The following RBM6 variants were observed in gnomAD, a reference collection of about 807,000 sequenced individuals.
RBM6 encodes RNA binding motif protein 6.
RBM6 carries 23 observed loss-of-function variants against 140.4 expected under a neutral mutation model. The observed-to-expected ratio is 0.16, with a 90% CI of 0.12 to 0.23. The LOEUF (loss-of-function observed/expected upper bound fraction) is 0.23. RBM6 is among the 10% of genes least tolerant of loss of function. The probability of loss-of-function intolerance (pLI) is 1.00; values close to 1 mark genes in which losing one functional copy is unlikely to be tolerated. For synonymous variants in RBM6, 439 were observed against 475.6 expected, an observed-to-expected ratio of 0.92 and a Z score of 1.00; for missense variants, 1,139 against 1,386.7, an observed-to-expected ratio of 0.82 and a Z score of 2.84.
chr3:50,013,970 A>T (rs2086986472), intron 6 of RBM6, among the ~76,000 whole-genome samples: 1 of 152,162 alleles, frequency 6.6e-6, no homozygotes, highest in Non-Finnish European at 1.5e-5. Context: ...AGAGCCAGGG[A>T]TGCTGCTAAA....
At chr3:49,991,007 A>G (rs993440472) in intron 5 of RBM6, among the ~76,000 whole-genome samples, 1 of 152,178 alleles carries the variant, frequency 6.6e-6, no homozygotes, top group African/African-American at 2.4e-5. Flanking sequence ...ACCAATTGCA[A>G]TGATCAGTTA....
At chr3:50,000,052 A>G (rs878986083) in intron 6 of RBM6, among the ~76,000 whole-genome samples, 1 of 152,170 alleles carries the variant, frequency 6.6e-6, no homozygotes, top group African/African-American at 2.4e-5. Context: ...TTTTTTGCCA[A>G]TTGGAGTTGC....
At position 50,034,756 on chromosome 3, in the gene RBM6, G is replaced by A. The variant is rs578132241; in HGVS notation, c.1558-13489G>A. On this transcript the variant is annotated intron_variant, in intron 6 of 20. Coordinates refer to ENST00000266022, the MANE Select transcript of RBM6 (RefSeq NM_005777.3). ...AGCCTGGGCGACAGAGCGAGACTCC[G>A]TCTCCAAAAAAAAAGGCAATGAATA... Among the ~76,000 whole-genome samples, 9 of 151,860 alleles carry A rather than the reference G, an allele frequency of 5.9e-5. No homozygotes were observed. In the East Asian group the frequency reaches 9.7e-4, roughly 16 times the overall value.
At chr3:49,949,976 G>A (rs1233338149) in intron 1 of RBM6, among the ~76,000 whole-genome samples, 1 of 152,028 alleles carries the variant, frequency 6.6e-6, no homozygotes, top group African/African-American at 2.4e-5. Context: ...GCCTGCCTCC[G>A]CCTCCTAAAG....
intron 6 of RBM6, among the ~76,000 whole-genome samples, chr3:50,007,136 C>T (rs2086618781): frequency 6.6e-6 from 1 of 151,330 alleles, no homozygotes; most frequent in African/African-American, 2.4e-5. Context: ...TCTCATTTAG[C>T]CTGTTGATTG....
intron 6 of RBM6, among the ~76,000 whole-genome samples, chr3:50,015,824 A>T (rs563316753): frequency 2.0e-5 from 3 of 152,326 alleles, no homozygotes; most frequent in Non-Finnish European, 4.4e-5. Flanking sequence ...TTTTTAATTG[A>T]TAATTGTATA....
At chr3:50,071,413 A>T (rs904362336) in intron 19 of RBM6, among the ~76,000 whole-genome samples, 1 of 152,234 alleles carries the variant, frequency 6.6e-6, no homozygotes, top group Non-Finnish European at 1.5e-5. Flanking sequence ...TTTTGGAGAG[A>T]TTACTAATCA....
chr3:49,967,543 C>G lies in RBM6; in HGVS notation c.118C>G (p.Gln40Glu), dbSNP rs1327044065. 2 of 1,614,136 alleles carry G rather than the reference C, an allele frequency of 1.2e-6. No individual in the cohort carries two copies. Among genetic ancestry groups the G allele is most frequent in the Admixed American group, 1.7e-5 (1 of 59,992 alleles). Residue 40 changes from glutamine (Q) to glutamate (E), a missense_variant, in exon 3 of 21, where the codon CAA (glutamine) becomes GAA (glutamate). Transcript: ENST00000266022. This position sits in a 1 kb window ranked among gnomAD's most constrained non-coding sequence, Gnocchi z 4.0. Reference protein sequence around the residue: ...YPPPPLKSHAQERHSGNFPGR... With the variant: ...YPPPPLKSHAEERHSGNFPGR... ...TCCTCCTCCCCTTAAGAGTCATGCTCAAGAGAGACACTCTGGCAACTTTCC... is the reference window on the plus strand; with the variant it reads ...TCCTCCTCCCCTTAAGAGTCATGCTGAAGAGAGACACTCTGGCAACTTTCC...
intron 1 of RBM6, among the ~76,000 whole-genome samples, chr3:49,941,899 C>G (rs2083297929): frequency 6.7e-6 from 1 of 150,064 alleles, no homozygotes; most frequent in African/African-American, 2.5e-5. Context: ...AAATTGTGAG[C>G]CTGGGCAACA....
chr3:50,049,915 C>T (rs1559631213), intron 7 of RBM6, among the ~76,000 whole-genome samples: 1 of 151,410 alleles, frequency 6.6e-6, no homozygotes, highest in African/African-American at 2.4e-5. Flanking sequence ...CTCACAGTCC[C>T]TGGCTCAAGT....
intron 6 of RBM6, among the ~76,000 whole-genome samples, chr3:50,005,800 C>T (rs1288275552): frequency 6.6e-6 from 1 of 152,112 alleles, no homozygotes; most frequent in Non-Finnish European, 1.5e-5. Context: ...TGGAATCATG[C>T]CATTCTTGCT....
intron 6 of RBM6, among the ~76,000 whole-genome samples, chr3:50,024,148 A>G (rs1045686361): frequency 6.6e-6 from 1 of 152,232 alleles, no homozygotes; most frequent in Non-Finnish European, 1.5e-5. Context: ...GAAAATTGCT[A>G]GGTTATCTAA....
intron 1 of RBM6, among the ~76,000 whole-genome samples, chr3:49,943,311 AT>A (rs35154751): frequency 4.0e-5 from 6 of 150,146 alleles, no homozygotes; most frequent in East Asian, 1.9e-4. Flanking sequence ...TATTTTATTT[AT>A]TTTTTTTTGA....
intron 5 of RBM6, among the ~76,000 whole-genome samples, chr3:49,995,021 G>A (rs1045189807): frequency 2.6e-5 from 4 of 152,126 alleles, no homozygotes; most frequent in Non-Finnish European, 1.5e-5. Context: ...GGTTATGTTT[G>A]TCAGTATCTC....
chr3:49,965,396 G>T (rs1380166876), intron 2 of RBM6, among the ~76,000 whole-genome samples: 1 of 152,188 alleles, frequency 6.6e-6, no homozygotes, highest in Non-Finnish European at 1.5e-5. Context: ...TAGGGCGGGC[G>T]TGGCGGCTCA....
At chr3:49,999,561 A>G (rs371026751) in intron 6 of RBM6, 48 bp downstream of exon 6, 61 of 1,438,836 alleles carry the variant, frequency 4.2e-5, no homozygotes, top group Non-Finnish European at 5.7e-5. Flanking sequence ...ATATTTTTTT[A>G]TATATGGGGA....
intron 6 of RBM6, among the ~76,000 whole-genome samples, chr3:50,042,604 G>T (rs1375629163): frequency 6.6e-6 from 1 of 152,068 alleles, no homozygotes; most frequent in African/African-American, 2.4e-5. Flanking sequence ...GCATGGTGGT[G>T]TGCACCTGTG....
At chr3:50,051,165 C>A (rs1249385387) in intron 7 of RBM6, among the ~76,000 whole-genome samples, 5 of 151,900 alleles carry the variant, frequency 3.3e-5, no homozygotes, top group African/African-American at 1.2e-4. Flanking sequence ...CATGGCAAAA[C>A]CCCATCTCTA....
intron 2 of RBM6, among the ~76,000 whole-genome samples, chr3:49,965,396 G>A (rs1380166876): frequency 2.0e-5 from 3 of 152,188 alleles, no homozygotes; most frequent in South Asian, 4.1e-4. Context: ...TAGGGCGGGC[G>A]TGGCGGCTCA....
Sources: gnomAD v4.1 joint callset for allele counts (sites outside exome capture counted in the v4.1 genomes callset) on GRCh38, gnomAD v4.1.1 for gene constraint, Gnocchi (gnomAD v3.1) non-coding constraint, MANE v1.5 for transcripts, NCBI Gene and HGNC (gene_info 2026-07-23, HGNC 2026-07-21) for gene names.